The following KCNQ5 variants were observed in gnomAD, a reference collection of about 807,000 sequenced individuals.
KCNQ5 encodes potassium voltage-gated channel subfamily KQT member 5.
In KCNQ5, 30 loss-of-function variants were observed where a neutral mutation model predicts 98.2. That is an observed-to-expected ratio of 0.31 (90% CI 0.23 to 0.41). The LOEUF (loss-of-function observed/expected upper bound fraction) is 0.41, where lower values mean the gene tolerates loss of function less well. KCNQ5 is among the 10% of genes least tolerant of loss of function. KCNQ5 has a pLI of 1.00. For missense variants in KCNQ5, 835 were observed against 1,182.5 expected (o/e 0.71, Z 4.31); for synonymous variants, 458 against 449.4 (o/e 1.02, Z -0.24).
intron 1 of KCNQ5, among the ~76,000 whole-genome samples, chr6:72,898,361 T>C (rs1317093956): frequency 6.6e-6 from 1 of 152,170 alleles, no homozygotes; most frequent in Non-Finnish European, 1.5e-5. Context: ...GAGTGTGTTG[T>C]TCCCCTCTCT....
chr6:72,718,521 A>G (rs145644812), intron 1 of KCNQ5, among the ~76,000 whole-genome samples: 1,931 of 129,630 alleles, frequency 0.015, 34 homozygotes, highest in African/African-American at 0.05. Context: ...TGTGATCTCC[A>G]CTTACTGCAA....
intron 2 of KCNQ5, among the ~76,000 whole-genome samples, chr6:73,020,421 T>C (rs914080197): frequency 1.4e-4 from 21 of 151,822 alleles, no homozygotes; most frequent in African/African-American, 4.3e-4. Flanking sequence ...GGCAAGGTTA[T>C]GTAGGAAGGG....
chr6:72,729,183 C>T (rs1352870524), intron 1 of KCNQ5, among the ~76,000 whole-genome samples: 1 of 152,098 alleles, frequency 6.6e-6, no homozygotes, highest in African/African-American at 2.4e-5. Context: ...AGTGTTTTTC[C>T]ATTACAGATA....
chr6:72,674,161 T>C (rs1450131022), intron 1 of KCNQ5, among the ~76,000 whole-genome samples: 1 of 152,170 alleles, frequency 6.6e-6, no homozygotes, highest in Non-Finnish European at 1.5e-5. Context: ...GAAGAAAATA[T>C]CTATCTGTAT....
chr6:73,036,986 G>C (rs542735795), intron 2 of KCNQ5, among the ~76,000 whole-genome samples: 3 of 152,014 alleles, frequency 2.0e-5, no homozygotes, highest in Non-Finnish European at 4.4e-5. Context: ...CAGCTTCTCC[G>C]CATCCTCCCC....
chr6:72,964,527 T>C (rs958396254), intron 1 of KCNQ5, among the ~76,000 whole-genome samples: 1 of 152,226 alleles, frequency 6.6e-6, no homozygotes, highest in African/African-American at 2.4e-5. Flanking sequence ...CCTTATTGAT[T>C]TCCTATCCTT....
intron 1 of KCNQ5, among the ~76,000 whole-genome samples, chr6:72,997,609 A>G (rs1245165573): frequency 6.7e-6 from 1 of 149,630 alleles, no homozygotes; most frequent in Admixed American, 6.7e-5. Flanking sequence ...CCCCATCTCT[A>G]CTAAAAATAC....
rs1396789095 is a variant in KCNQ5, at chr6:73,198,229, C to T, written c.*2815C>T. On this transcript the variant is annotated 3_prime_UTR_variant, in exon 14 of 14. Transcript: ENST00000370398. ...ACATGTAGGGTTGATCAAGCTAATA[C>T]TTAATTGCAAATATCCCTTGTATGA... is the stretch of plus-strand genomic sequence containing the variant. 6.6e-6 allele frequency: 1 copy of T among 152,182 alleles called. No individual in the cohort carries two copies. The highest frequency in any genetic ancestry group is 1.5e-5 in the Non-Finnish European group (1 of 68,032). The allele number at this position is 152,182 out of a possible 1,614,324, so 9.4% of individuals were successfully genotyped here.
At chr6:72,703,568 T>A (rs1377989067) in intron 1 of KCNQ5, among the ~76,000 whole-genome samples, 2 of 152,224 alleles carry the variant, frequency 1.3e-5, no homozygotes, top group Non-Finnish European at 2.9e-5. Context: ...AATGTTTTAT[T>A]TGGCCAGAAC....
chr6:73,133,364 C>T (rs1229475273), intron 9 of KCNQ5, 57 bp from the exon 10 acceptor site: 5 of 1,505,804 alleles, frequency 3.3e-6, no homozygotes, highest in African/African-American at 2.8e-5. Flanking sequence ...ATTACTTACC[C>T]AAGCAAAGTG....
intron 1 of KCNQ5, among the ~76,000 whole-genome samples, chr6:72,858,312 G>T (rs919057312): frequency 7.2e-5 from 11 of 151,982 alleles, no homozygotes; most frequent in African/African-American, 2.7e-4. Context: ...TACATCCATA[G>T]AAATTTATTT....
chr6:72,790,638 G>T (rs1773989641), intron 1 of KCNQ5, among the ~76,000 whole-genome samples: 1 of 152,022 alleles, frequency 6.6e-6, no homozygotes, highest in Non-Finnish European at 1.5e-5. Flanking sequence ...TAATTTTATT[G>T]TACATTTAAA....
chr6:72,844,128 G>A (rs1317586404), intron 1 of KCNQ5, among the ~76,000 whole-genome samples: 10 of 152,084 alleles, frequency 6.6e-5, no homozygotes, highest in African/African-American at 2.4e-4. Flanking sequence ...CATGTTCTGT[G>A]TTCTGCACAT....
intron 9 of KCNQ5, among the ~76,000 whole-genome samples, chr6:73,128,444 G>C (rs4142649): frequency 0.94 from 142,514 of 152,304 alleles, 66,787 homozygotes; most frequent in South Asian, 0.99. Context: ...GAATTTACCT[G>C]TGAATCCATC....
At chr6:72,886,437 GA>G (rs921331659) in intron 1 of KCNQ5, among the ~76,000 whole-genome samples, 1 of 151,936 alleles carries the variant, frequency 6.6e-6, no homozygotes, top group Non-Finnish European at 1.5e-5. Flanking sequence ...GGAAAAGGAT[GA>G]AAAATATGAA....
intron 3 of KCNQ5, among the ~76,000 whole-genome samples, chr6:73,076,137 G>A (rs1044931530): frequency 6.6e-6 from 1 of 152,160 alleles, no homozygotes; most frequent in Non-Finnish European, 1.5e-5. Context: ...CCAAAAAGGG[G>A]CACCAGCAGA....
At chr6:72,931,765 T>A (rs1159655847) in intron 1 of KCNQ5, among the ~76,000 whole-genome samples, 2 of 152,154 alleles carry the variant, frequency 1.3e-5, no homozygotes, top group Non-Finnish European at 2.9e-5. Flanking sequence ...CAACTCTGCA[T>A]GCGAGGTAAT....
rs142382434 is a variant in KCNQ5 at position 73,003,438 on chromosome 6, A to T, written c.399-470A>T. Among the ~76,000 whole-genome samples the T allele has an allele frequency of 1.2e-3, 176 of 152,298 alleles. 1 individual carries two copies. Among genetic ancestry groups the T allele is most frequent in the African/African-American group, 4.1e-3 (169 of 41,564 alleles). Reference sequence around the variant, plus strand: ...ATCCATGAGCAATATCAGACCATGAAAATGAGCCAGTGGCTGAGTAACAAC... The same window carrying T: ...ATCCATGAGCAATATCAGACCATGATAATGAGCCAGTGGCTGAGTAACAAC... On this transcript the variant is annotated intron_variant, in intron 1 of 13. Transcript: ENST00000370398.
intron 3 of KCNQ5, chr6:73,055,725 G>T: frequency 1.8e-6 from 2 of 1,095,270 alleles, no homozygotes; most frequent in Non-Finnish European, 2.8e-6. Flanking sequence ...CTGCCAACTG[G>T]CATTCTCATT....
Sources: allele counts gnomAD v4.1 joint callset (sites outside exome capture counted in the v4.1 genomes callset), GRCh38; gene constraint gnomAD v4.1.1; transcripts MANE v1.5; gene names NCBI Gene and HGNC (gene_info 2026-07-23, HGNC 2026-07-21).